AUTS2: variants seen among roughly 807,000 people sequenced by gnomAD.
The protein encoded by AUTS2 is activator of transcription and developmental regulator AUTS2, also known as autism susceptibility gene 2 protein.
Under a neutral mutation model 112.4 loss-of-function variants are expected in AUTS2, and 17 were observed. That is an observed-to-expected ratio of 0.15 (90% CI 0.10 to 0.23). The LOEUF (loss-of-function observed/expected upper bound fraction) is 0.23. Ranked by LOEUF, AUTS2 falls within the 10% of genes least tolerant of loss-of-function variation. AUTS2 has a pLI of 1.00. For missense variants in AUTS2, 1,510 were observed against 1,701.6 expected, an observed-to-expected ratio of 0.89 and a Z score of 1.98; for synonymous variants, 751 against 702.7, an observed-to-expected ratio of 1.07 and a Z score of -1.09.
chr7:70,597,274 A>G (rs20324), intron 5 of AUTS2, among the ~76,000 whole-genome samples: 82,152 of 152,146 alleles, frequency 0.54, 23,067 homozygotes, highest in African/African-American at 0.65. Context: ...GGTAATCTCT[A>G]AAACTGGCAC....
At chr7:70,470,572 C>G (rs1485523081) in intron 5 of AUTS2, among the ~76,000 whole-genome samples, 3 of 152,206 alleles carry the variant, frequency 2.0e-5, no homozygotes, top group Non-Finnish European at 4.4e-5. Context: ...CACGCAGCAT[C>G]TGGCTCATCC....
At chr7:69,885,928 C>T (rs1426485979) in intron 1 of AUTS2, among the ~76,000 whole-genome samples, 1 of 152,170 alleles carries the variant, frequency 6.6e-6, no homozygotes, top group Non-Finnish European at 1.5e-5. Flanking sequence ...CCAGTTAGGA[C>T]AAGAGAGCTT....
At chr7:69,646,696 G>A (rs1473783274) in intron 1 of AUTS2, among the ~76,000 whole-genome samples, 3 of 152,134 alleles carry the variant, frequency 2.0e-5, no homozygotes, top group Non-Finnish European at 4.4e-5. Context: ...TGGTCCTAAG[G>A]CCTCTCCTCT....
At chr7:70,723,848 G>GT (rs1216813480) in intron 6 of AUTS2, among the ~76,000 whole-genome samples, 2 of 151,850 alleles carry the variant, frequency 1.3e-5, no homozygotes, top group African/African-American at 4.8e-5. Context: ...TGAAACTAAC[G>GT]TTTTGTTTAT....
chr7:70,180,196 C>A (rs1270224046), intron 4 of AUTS2, among the ~76,000 whole-genome samples: 1 of 152,118 alleles, frequency 6.6e-6, no homozygotes, highest in Non-Finnish European at 1.5e-5. Context: ...TATCATATTG[C>A]ATTTCTGTAA....
intron 1 of AUTS2, among the ~76,000 whole-genome samples, chr7:69,873,306 G>A (rs1048740354): frequency 1.3e-5 from 2 of 152,098 alleles, no homozygotes; most frequent in Non-Finnish European, 2.9e-5. Flanking sequence ...ATAGGAGCTG[G>A]GAAATTTAGT....
rs1222255320 is a variant in AUTS2 at position 70,534,404 on chromosome 7, G to A, written c.690+98623G>A. Among the ~76,000 whole-genome samples, 3 of 102,658 alleles carry A rather than the reference G, an allele frequency of 2.9e-5. No homozygotes were observed. The Admixed American group carries it at 3.1e-4, about 11-fold the overall frequency. 67.3% of individuals were successfully genotyped at this position (102,658 alleles called of 152,430 possible). A position where few individuals can be genotyped will look rare whatever the true frequency, so the allele number is the denominator to read the frequency against. ...AGTTATTGGGAATATGAATTTGTTT[G>A]TTTGTTTGTTTGTTTGTTTGTTTGT... On this transcript the variant is annotated intron_variant, in intron 5 of 18. Transcript: ENST00000342771.
intron 1 of AUTS2, among the ~76,000 whole-genome samples, chr7:69,872,006 G>A (rs956283066): frequency 2.0e-5 from 3 of 152,158 alleles, no homozygotes; most frequent in East Asian, 1.9e-4. Context: ...CCAGGAATTC[G>A]CTCGCGCCTG....
chr7:70,683,926 C>A (rs1808331333), intron 5 of AUTS2, among the ~76,000 whole-genome samples: 1 of 152,142 alleles, frequency 6.6e-6, no homozygotes, highest in Admixed American at 6.5e-5. Flanking sequence ...AAGGCCAGAG[C>A]AAGAGGGAAA....
At chr7:70,288,465 A>T (rs1303514910) in intron 4 of AUTS2, among the ~76,000 whole-genome samples, 1 of 152,182 alleles carries the variant, frequency 6.6e-6, no homozygotes, top group Non-Finnish European at 1.5e-5. Context: ...ACTTGAAGTC[A>T]TCAGATTAGA....
At chr7:69,739,220 A>G (rs1027655000) in intron 1 of AUTS2, among the ~76,000 whole-genome samples, 9 of 152,164 alleles carry the variant, frequency 5.9e-5, no homozygotes, top group African/African-American at 2.2e-4. Flanking sequence ...AAGTGAAATA[A>G]CAGAGCTATT....
intron 5 of AUTS2, among the ~76,000 whole-genome samples, chr7:70,501,787 C>T (rs893130697): frequency 6.6e-6 from 1 of 152,160 alleles, no homozygotes; most frequent in Admixed American, 6.5e-5. Flanking sequence ...GTCAGGAATA[C>T]TGTGCTGCCC....
intron 5 of AUTS2, among the ~76,000 whole-genome samples, chr7:70,471,699 G>A (rs1486121279): frequency 6.6e-6 from 1 of 152,094 alleles, no homozygotes; most frequent in African/African-American, 2.4e-5. Context: ...GCTATAGAGA[G>A]AAAAATAGCA....
At chr7:69,988,200 A>G (rs1364384224) in intron 2 of AUTS2, among the ~76,000 whole-genome samples, 2 of 152,204 alleles carry the variant, frequency 1.3e-5, no homozygotes, top group Non-Finnish European at 2.9e-5. Flanking sequence ...ATCATCTAAC[A>G]GTCTTCTCTT....
At chr7:70,428,734 G>A (rs909745179) in intron 4 of AUTS2, among the ~76,000 whole-genome samples, 10 of 152,168 alleles carry the variant, frequency 6.6e-5, no homozygotes, top group Non-Finnish European at 1.3e-4. Context: ...GGTCCATTGA[G>A]CAGAATAGAG....
At chr7:70,286,685 C>G (rs1433747311) in intron 4 of AUTS2, among the ~76,000 whole-genome samples, 2 of 152,056 alleles carry the variant, frequency 1.3e-5, no homozygotes, top group African/African-American at 4.8e-5. Flanking sequence ...TTAAAATATG[C>G]TACTGAATAT....
intron 4 of AUTS2, among the ~76,000 whole-genome samples, chr7:70,336,695 G>A (rs1791005683): frequency 6.6e-6 from 1 of 150,850 alleles, no homozygotes; most frequent in Non-Finnish European, 1.5e-5. Context: ...CTTTAACAGA[G>A]GCAGAGCTGT....
At chr7:70,019,348 A>G (rs1800173428) in intron 2 of AUTS2, among the ~76,000 whole-genome samples, 1 of 152,182 alleles carries the variant, frequency 6.6e-6, no homozygotes, top group South Asian at 2.1e-4. Context: ...AATAATCTAT[A>G]CAACAAACCC....
At chr7:70,131,467 A>T (rs1013203389) in intron 3 of AUTS2, among the ~76,000 whole-genome samples, 2 of 152,100 alleles carry the variant, frequency 1.3e-5, no homozygotes, top group African/African-American at 4.8e-5. Flanking sequence ...GTCTACTTTC[A>T]TGGTTCTTTA....
Sources: allele counts gnomAD v4.1 joint callset (sites outside exome capture counted in the v4.1 genomes callset), GRCh38; gene constraint gnomAD v4.1.1; transcripts MANE v1.5; gene names NCBI Gene and HGNC (gene_info 2026-07-23, HGNC 2026-07-21).